PDE11A: variants seen among roughly 807,000 people sequenced by gnomAD.
The protein encoded by PDE11A is dual 3',5'-cyclic-AMP and -GMP phosphodiesterase 11A.
Under a neutral mutation model 100.5 loss-of-function variants are expected in PDE11A, and 100 were observed. The observed-to-expected ratio is 1.00, with a 90% confidence interval of 0.85 to 1.18. The LOEUF is 1.18. PDE11A is among the 50% of genes most tolerant of loss of function. PDE11A has a pLI of 0.00. For synonymous variants in PDE11A, 381 were observed against 420.8 expected, an observed-to-expected ratio of 0.91 and a Z score of 1.16; for missense variants, 1,141 against 1,152.6, an observed-to-expected ratio of 0.99 and a Z score of 0.15.
chr2:177,853,670 A>ATATATATG (rs2083763679), intron 5 of PDE11A, among the ~76,000 whole-genome samples: 1 of 33,088 alleles, frequency 3.0e-5, no homozygotes, highest in Non-Finnish European at 6.0e-5. Flanking sequence ...ATATATATAT[A>ATATATATG]TATATATATA....
intron 10 of PDE11A, among the ~76,000 whole-genome samples, chr2:177,740,957 G>A (rs779360953): frequency 3.0e-4 from 45 of 152,252 alleles, no homozygotes; most frequent in East Asian, 1.9e-4. Flanking sequence ...AGTTTGCTGC[G>A]TGCTAAAGCT....
At chr2:177,885,368 C>T (rs1467946786) in intron 4 of PDE11A, among the ~76,000 whole-genome samples, 2 of 152,142 alleles carry the variant, frequency 1.3e-5, no homozygotes, top group African/African-American at 4.8e-5. Context: ...GCTGACCTTT[C>T]ATATCTGTGG....
At chr2:177,728,925 A>G (rs1430098579) in intron 10 of PDE11A, among the ~76,000 whole-genome samples, 1 of 152,158 alleles carries the variant, frequency 6.6e-6, no homozygotes, top group Non-Finnish European at 1.5e-5. Flanking sequence ...GAGAAAAAAA[A>G]TCTTTGGAAA....
At chr2:178,077,482 T>C (rs2087222892), upstream of PDE11A, among the ~76,000 whole-genome samples, 1 of 152,148 alleles carries the variant, frequency 6.6e-6, no homozygotes, top group Non-Finnish European at 1.5e-5. Context: ...TCTGTTTAAA[T>C]CCAGCTGCCT....
At chr2:177,938,547 A>G (rs924372898) in intron 2 of PDE11A, among the ~76,000 whole-genome samples, 1 of 152,098 alleles carries the variant, frequency 6.6e-6, no homozygotes, top group African/African-American at 2.4e-5. Flanking sequence ...CTGGAACTGC[A>G]TTTCCTACTT....
At chr2:177,915,300 C>G (rs1214623640) in intron 2 of PDE11A, among the ~76,000 whole-genome samples, 2 of 152,204 alleles carry the variant, frequency 1.3e-5, no homozygotes, top group Non-Finnish European at 2.9e-5. Flanking sequence ...CAGTATCATA[C>G]AGAATAGTTT....
intron 2 of PDE11A, among the ~76,000 whole-genome samples, chr2:178,103,012 T>C (rs1005457532): frequency 1.3e-5 from 2 of 152,168 alleles, no homozygotes; most frequent in Admixed American, 6.5e-5. Flanking sequence ...ATTGGAATTA[T>C]GTAGCTAGAG....
At chr2:177,929,421 A>AC (rs1213819761) in intron 2 of PDE11A, among the ~76,000 whole-genome samples, 2 of 152,222 alleles carry the variant, frequency 1.3e-5, no homozygotes, top group Non-Finnish European at 2.9e-5. Context: ...AACTGCATGA[A>AC]TCCTGAGAAG....
At chr2:177,865,563 G>A in intron 5 of PDE11A, among the ~76,000 whole-genome samples, 1 of 152,034 alleles carries the variant, frequency 6.6e-6, no homozygotes, top group East Asian at 1.9e-4. Context: ...GTACATGAAT[G>A]TTCTCAGCAG....
chr2:178,076,687 T>G (rs1350960467), upstream of PDE11A, among the ~76,000 whole-genome samples: 1 of 152,246 alleles, frequency 6.6e-6, no homozygotes, highest in South Asian at 2.1e-4. Context: ...CTGAGCATCA[T>G]CAAATATGTA....
At chr2:177,860,614 G>A (rs2083929037) in intron 5 of PDE11A, among the ~76,000 whole-genome samples, 1 of 151,674 alleles carries the variant, frequency 6.6e-6, no homozygotes, top group Non-Finnish European at 1.5e-5. Flanking sequence ...TATGAGGGTA[G>A]CATTGCCCTG....
intron 13 of PDE11A, among the ~76,000 whole-genome samples, chr2:177,709,319 C>T (rs752034846): frequency 1.2e-4 from 18 of 152,058 alleles, no homozygotes; most frequent in Middle Eastern, 3.2e-3. Context: ...TCGTGCTGTT[C>T]GTTGTAGCAA....
At chr2:177,918,598 A>T (rs1420386584) in intron 2 of PDE11A, among the ~76,000 whole-genome samples, 1 of 152,204 alleles carries the variant, frequency 6.6e-6, no homozygotes, top group Non-Finnish European at 1.5e-5. Flanking sequence ...ATAGGGGAAA[A>T]ACCCCGAAAA....
At chr2:178,016,573 G>A (rs2086340618) in intron 1 of PDE11A, among the ~76,000 whole-genome samples, 1 of 152,086 alleles carries the variant, frequency 6.6e-6, no homozygotes, top group South Asian at 2.1e-4. Flanking sequence ...TTTATATATT[G>A]TGGTAAGTGT....
chr2:178,087,252 C>A (rs1228052170), intron 2 of PDE11A, among the ~76,000 whole-genome samples: 2 of 151,674 alleles, frequency 1.3e-5, no homozygotes, highest in Admixed American at 6.6e-5. Context: ...ACTCAGGAGG[C>A]TGAGGCAGGA....
intron 2 of PDE11A, among the ~76,000 whole-genome samples, chr2:177,939,608 A>T (rs536700447): frequency 1.2e-4 from 19 of 152,152 alleles, no homozygotes; most frequent in Non-Finnish European, 2.2e-4. Flanking sequence ...TAACCAAGAC[A>T]CTAGATCCAA....
At chr2:178,030,418 C>T (rs550620449) in intron 1 of PDE11A, among the ~76,000 whole-genome samples, 1 of 152,186 alleles carries the variant, frequency 6.6e-6, no homozygotes, top group East Asian at 1.9e-4. Context: ...CATACACACA[C>T]ATCCTCAGAT....
chr2:177,799,946 C>T (rs1442271092), intron 9 of PDE11A, among the ~76,000 whole-genome samples: 1 of 152,204 alleles, frequency 6.6e-6, no homozygotes, highest in East Asian at 1.9e-4. Context: ...ATAACTACTA[C>T]TTTTGACATT....
In PDE11A at chr2:177,666,025, GAAC is replaced by G. The variant is rs538918579; in HGVS notation, c.2563-2079_2563-2077del. On this transcript the variant is annotated intron_variant, in intron 18 of 19. Coordinates refer to ENST00000286063, the MANE Select transcript of PDE11A (RefSeq NM_016953.4). ...TTGAGCAACTATCACTACAATTATAGAACATTATTATCATCCTCAAAGAAACCC... is the reference window on the plus strand; with the variant it reads ...TTGAGCAACTATCACTACAATTATAGATTATTATCATCCTCAAAGAAACCC... Among the ~76,000 whole-genome samples the G allele has an allele frequency of 2.3e-3, 347 of 152,114 alleles. 1 individual carries two copies. The highest frequency in any genetic ancestry group is 8.0e-3 in the African/African-American group (331 of 41,494).
Sources: allele counts gnomAD v4.1 joint callset (sites outside exome capture counted in the v4.1 genomes callset), GRCh38; gene constraint gnomAD v4.1.1; transcripts MANE v1.5; gene names NCBI Gene and HGNC (gene_info 2026-07-23, HGNC 2026-07-21).